The following VTA1 variants were observed in gnomAD, a reference collection of about 807,000 sequenced individuals.
VTA1 encodes the protein vesicle trafficking 1.
A neutral mutation model predicts 36.9 loss-of-function variants in VTA1; 24 were observed. The ratio of observed to expected loss-of-function variants is 0.65; its 90% confidence interval spans 0.47 to 0.91. The LOEUF is 0.91. Ranked by LOEUF, VTA1 falls within the 40% of genes least tolerant of loss-of-function variation. VTA1 has a pLI of 0.00. For missense variants in VTA1, 393 were observed against 377.2 expected (o/e 1.04, Z -0.35); for synonymous variants, 142 against 130.2 (o/e 1.09, Z -0.62).
rs770236521 is a variant in VTA1, at chr6:142,170,370, T to G, written c.360T>G (p.Thr120=). The G allele has an allele frequency of 1.2e-5, 20 of 1,608,836 alleles. No homozygotes were observed. Among genetic ancestry groups the G allele is most frequent in the Non-Finnish European group, 1.7e-5 (20 of 1,177,746 alleles). Reference sequence around the variant, plus strand: ...GAAACATGATCAAGTCCTTCTATACTGCAAGTCTTTTGATAGATGTCATAA... The same window carrying G: ...GAAACATGATCAAGTCCTTCTATACGGCAAGTCTTTTGATAGATGTCATAA... ...FHKNMIKSFY[T]ASLLIDVITV... The change falls in exon 4 of 8, where the codon ACT becomes ACG. Residue 120 remains threonine (T), a synonymous_variant. Transcript: ENST00000367630.
chr6:142,181,477 A>G (rs906795632), intron 4 of VTA1, among the ~76,000 whole-genome samples: 1 of 148,628 alleles, frequency 6.7e-6, no homozygotes, highest in African/African-American at 2.4e-5. Flanking sequence ...ATATATATGT[A>G]TATGTACTTT....
rs565830524 is a variant in VTA1, at chr6:142,180,992, C to T, written c.412-8434C>T. 3.1e-4 allele frequency among the ~76,000 whole-genome samples: 46 copies of T among 147,150 alleles called. 1 individual carries two copies. The highest frequency in any genetic ancestry group is 2.2e-3 in the South Asian group (10 of 4,608). Reference sequence around the variant, plus strand: ...CAGACTGTGTAACTATTAAATTTTCCGATTTTTGAGATTGTCCTAGATTTT... The same window carrying T: ...CAGACTGTGTAACTATTAAATTTTCTGATTTTTGAGATTGTCCTAGATTTT... On this transcript the variant is annotated intron_variant, in intron 4 of 7. Transcript: ENST00000367630.
intron 1 of VTA1, among the ~76,000 whole-genome samples, chr6:142,160,735 A>AT (rs1230249516): frequency 2.6e-5 from 4 of 151,830 alleles, no homozygotes; most frequent in Non-Finnish European, 4.4e-5. Context: ...TTTTGTTCAG[A>AT]TTTTTTCTGT....
At position 142,189,618 on chromosome 6, in the gene VTA1, A is replaced by G. The variant is rs576739988; in HGVS notation, c.520+84A>G. 1.4e-4 allele frequency: 147 copies of G among 1,076,632 alleles called. 1 individual carries two copies. In the South Asian group the frequency reaches 1.8e-3, roughly 13 times the overall value. 66.7% of individuals were successfully genotyped at this position (1,076,632 alleles called of 1,614,324 possible). On this transcript the variant is annotated intron_variant, in intron 5 of 7. Transcript: ENST00000367630. Reference sequence around the variant, plus strand: ...TTACTCAAAGTTTTTGGAGGGAACAATACAGTTTTGTTTTCATCAGGCCCA... The same window carrying G: ...TTACTCAAAGTTTTTGGAGGGAACAGTACAGTTTTGTTTTCATCAGGCCCA...
chr6:142,147,551 C>G (rs1778473513), intron 1 of VTA1, 152 bp downstream of exon 1: 3 of 731,608 alleles, frequency 4.1e-6, no homozygotes, highest in Non-Finnish European at 6.8e-6. Context: ...TGGGTTCCCA[C>G]CCCCTGGCAG....
chr6:142,171,330 G>T lies in VTA1; in HGVS notation c.411+909G>T, dbSNP rs566215396. On this transcript the variant is annotated intron_variant, in intron 4 of 7. Coordinates refer to ENST00000367630, the MANE Select transcript of VTA1 (RefSeq NM_016485.5). ...GGCTGGTTTTGAACTCCTGACCTCA[G>T]GTAATCCGCCCACCTTGGCCTCCCA... 3.9e-5 allele frequency among the ~76,000 whole-genome samples: 6 copies of T among 152,144 alleles called. No homozygotes were observed. In the East Asian group the frequency reaches 1.2e-3, roughly 29 times the overall value.
chr6:142,200,012 CT>C (rs1369427248), intron 6 of VTA1, among the ~76,000 whole-genome samples: 1 of 152,004 alleles, frequency 6.6e-6, no homozygotes, highest in Non-Finnish European at 1.5e-5. Flanking sequence ...GGTTGAAATC[CT>C]GATCAAGAGT....
At chr6:142,214,382 C>T (rs1020398154) in intron 7 of VTA1, among the ~76,000 whole-genome samples, 1 of 152,128 alleles carries the variant, frequency 6.6e-6, no homozygotes, top group Non-Finnish European at 1.5e-5. Context: ...CAACAAGTCA[C>T]GTGGAAGGTG....
At chr6:142,215,608 G>T (rs1486180226) in intron 7 of VTA1, among the ~76,000 whole-genome samples, 1 of 152,154 alleles carries the variant, frequency 6.6e-6, no homozygotes, top group Non-Finnish European at 1.5e-5. Flanking sequence ...TCTGTGTCCT[G>T]TGTGTTCCAT....
At position 142,198,113 on chromosome 6, in the gene VTA1, A is replaced by ATGTGTG. The variant is rs1414329840; in HGVS notation, c.521-325_521-324insGTGTGT. 7.1e-4 allele frequency among the ~76,000 whole-genome samples: 83 copies of ATGTGTG among 117,006 alleles called. 1 individual carries two copies. Among genetic ancestry groups the ATGTGTG allele is most frequent in the African/African-American group, 2.9e-3 (80 of 27,962 alleles). 76.8% of individuals were successfully genotyped at this position (117,006 alleles called of 152,430 possible). A position where few individuals can be genotyped will look rare whatever the true frequency, so the allele number is the denominator to read the frequency against. On this transcript the variant is annotated intron_variant, in intron 5 of 7. Transcript: ENST00000367630. The stretch of plus-strand genomic sequence containing the variant: ...CTCCGTCTCAAAAAAAAATATATAT[A>ATGTGTG]TATATATGTGTGTGTGTGTGTGTGT...
intron 4 of VTA1, 85 bp downstream of exon 4, chr6:142,170,506 C>T (rs775437158): frequency 1.2e-5 from 11 of 886,250 alleles, no homozygotes; most frequent in African/African-American, 1.7e-5. Context: ...TGTTTATTTA[C>T]AGCAGAATGT....
intron 7 of VTA1, among the ~76,000 whole-genome samples, chr6:142,213,914 C>G (rs1775954038): frequency 1.3e-5 from 2 of 152,168 alleles, no homozygotes; most frequent in African/African-American, 2.4e-5. Flanking sequence ...GACACTTTCC[C>G]CCACTGTCTT....
At chr6:142,153,656 A>G (rs1582874302) in intron 1 of VTA1, among the ~76,000 whole-genome samples, 1 of 152,156 alleles carries the variant, frequency 6.6e-6, no homozygotes, top group Non-Finnish European at 1.5e-5. Flanking sequence ...GAAATAATGT[A>G]TATCAAATTA....
intron 1 of VTA1, among the ~76,000 whole-genome samples, chr6:142,154,148 C>T (rs1413072107): frequency 6.6e-6 from 1 of 151,688 alleles, no homozygotes; most frequent in African/African-American, 2.4e-5. Context: ...ATATAACCTG[C>T]CTTCTCCTTT....
intron 4 of VTA1, among the ~76,000 whole-genome samples, chr6:142,187,586 C>A (rs1404017167): frequency 6.6e-6 from 1 of 152,128 alleles, no homozygotes; most frequent in Non-Finnish European, 1.5e-5. Context: ...ACAGAGTGAA[C>A]TGAGTGGTGA....
chr6:142,204,546 C>CT (rs1447109130), intron 7 of VTA1, among the ~76,000 whole-genome samples: 1 of 152,086 alleles, frequency 6.6e-6, no homozygotes, highest in African/African-American at 2.4e-5. Flanking sequence ...ATCTTTACTA[C>CT]TTTTCTGATT....
In VTA1 at chr6:142,170,368, A is replaced by C; in HGVS notation, c.358A>C (p.Thr120Pro). ...FHKNMIKSFYTASLLIDVITV... is the reference protein window; with the variant it reads ...FHKNMIKSFYPASLLIDVITV... Reference sequence around the variant, plus strand: ...CAGAAACATGATCAAGTCCTTCTATACTGCAAGTCTTTTGATAGATGTCAT... The same window carrying C: ...CAGAAACATGATCAAGTCCTTCTATCCTGCAAGTCTTTTGATAGATGTCAT... Residue 120 changes from threonine (T) to proline (P), a missense_variant, in exon 4 of 8, where the codon ACT becomes CCT. Coordinates refer to ENST00000367630, the MANE Select transcript of VTA1 (RefSeq NM_016485.5). The C allele has an allele frequency of 6.2e-7, 1 of 1,608,788 alleles. No homozygotes were observed. The highest frequency in any genetic ancestry group is 8.5e-7 in the Non-Finnish European group (1 of 1,177,666).
At chr6:142,187,507 A>G (rs560816830) in intron 4 of VTA1, among the ~76,000 whole-genome samples, 1 of 152,286 alleles carries the variant, frequency 6.6e-6, no homozygotes, top group African/African-American at 2.4e-5. Flanking sequence ...GGCATATTCA[A>G]ATTCCCTGAC....
At chr6:142,196,211 G>T (rs904024441) in intron 5 of VTA1, among the ~76,000 whole-genome samples, 1 of 152,234 alleles carries the variant, frequency 6.6e-6, no homozygotes, top group Admixed American at 6.5e-5. Flanking sequence ...GGATTTTAAA[G>T]TTAGCCACCC....
Sources: gnomAD v4.1 joint callset for allele counts (sites outside exome capture counted in the v4.1 genomes callset) on GRCh38, gnomAD v4.1.1 for gene constraint, MANE v1.5 for transcripts, NCBI Gene and HGNC (gene_info 2026-07-23, HGNC 2026-07-21) for gene names.